LITAF: variants seen among roughly 807,000 people sequenced by gnomAD.
LITAF encodes the protein lipopolysaccharide-induced tumor necrosis factor-alpha factor.
In LITAF, 9 loss-of-function variants were observed where a neutral mutation model predicts 14.5. The observed-to-expected ratio is 0.62, with a 90% CI of 0.37 to 1.08. The LOEUF is 1.08. LITAF is among the 50% of genes least tolerant of loss of function. The pLI, the probability that LITAF is intolerant of heterozygous loss-of-function variation, is 0.01. For missense variants in LITAF, 206 were observed against 213.4 expected (o/e 0.97, Z 0.22); for synonymous variants, 98 against 88.2 (o/e 1.11, Z -0.62).
intron 1 of LITAF, chr16:11,561,219 T>C (rs148064367): frequency 6.6e-6 from 1 of 152,242 alleles, no homozygotes; most frequent in Non-Finnish European, 1.5e-5. Context: ...TGGAATGCTT[T>C]GAGGGAAAAC....
At chr16:11,638,032 CTATATATATCTATATATATATCTA>C (rs1368034314), upstream of LITAF, among the ~76,000 whole-genome samples, 4 of 83,420 alleles carry the variant, frequency 4.8e-5, no homozygotes, top group Non-Finnish European at 8.1e-5. Context: ...ATCTATATAT[CTATATATATCTATATATATATCTA>C]TATATATATC....
chr16:11,551,160 C>CAG (rs2064176396), intron 3 of LITAF, among the ~76,000 whole-genome samples: 1 of 152,176 alleles, frequency 6.6e-6, no homozygotes, highest in Non-Finnish European at 1.5e-5. Flanking sequence ...TTACATAAAG[C>CAG]AGAATTTGGA....
At chr16:11,606,657 C>G (rs533186065) in intron 3 of LITAF, among the ~76,000 whole-genome samples, 1 of 151,124 alleles carries the variant, frequency 6.6e-6, no homozygotes, top group African/African-American at 2.4e-5. Flanking sequence ...ATGCCTGCAG[C>G]CACAAAACTA....
intron 3 of LITAF, among the ~76,000 whole-genome samples, chr16:11,631,808 T>C (rs1382307106): frequency 6.6e-6 from 1 of 152,092 alleles, no homozygotes; most frequent in Admixed American, 6.5e-5. Flanking sequence ...ATCTCGAGAT[T>C]CTTAACTTGA....
chr16:11,549,971 G>A lies in LITAF; in HGVS notation c.378-226C>T, dbSNP rs186689704. ...AGATACAGAGAGGGCAGAAGGAAAT[G>A]TGAAGACAGAGGCAGAAGCTGGAGT... is the stretch of plus-strand genomic sequence containing the variant. On this transcript the variant is annotated intron_variant, in intron 3 of 3. Transcript: ENST00000622633. The surrounding 1 kb of genome is among the most constrained non-coding windows in gnomAD (Gnocchi z 4.6). Among the ~76,000 whole-genome samples, 1 of 152,326 alleles carries A rather than the reference G, an allele frequency of 6.6e-6. No individual in the cohort carries two copies. Among genetic ancestry groups the A allele is most frequent in the East Asian group, 1.9e-4 (1 of 5,182 alleles).
chr16:11,596,514 AAAG>A (rs2064888269), intron 1 of LITAF, among the ~76,000 whole-genome samples: 1 of 57,350 alleles, frequency 1.7e-5, no homozygotes, highest in Non-Finnish European at 3.3e-5. Context: ...GGGGAGGAGG[AAAG>A]GAGAAGAAGG....
chr16:11,639,255 G>A (rs919375131), upstream of LITAF, among the ~76,000 whole-genome samples: 2 of 151,814 alleles, frequency 1.3e-5, no homozygotes, highest in Non-Finnish European at 2.9e-5. Flanking sequence ...ATGGTTAGAG[G>A]GAGGAATGGA....
intron 1 of LITAF, among the ~76,000 whole-genome samples, chr16:11,570,595 A>G (rs1318421600): frequency 2.0e-5 from 3 of 152,208 alleles, no homozygotes; most frequent in Admixed American, 2.0e-4. Flanking sequence ...TTAAGTGGTA[A>G]AGACAGACTT....
intron 1 of LITAF, among the ~76,000 whole-genome samples, chr16:11,571,439 G>A (rs999723818): frequency 1.2e-4 from 18 of 152,242 alleles, no homozygotes; most frequent in African/African-American, 3.6e-4. Flanking sequence ...CTACATTCAC[G>A]TTACCTAAGC....
At chr16:11,640,019 C>T (rs1318668510), upstream of LITAF, among the ~76,000 whole-genome samples, 1 of 152,196 alleles carries the variant, frequency 6.6e-6, no homozygotes, top group Non-Finnish European at 1.5e-5. Flanking sequence ...AGCAATCCAC[C>T]TGCCTTAGCC....
At chr16:11,557,070 T>TG (rs1555467012) in intron 1 of LITAF, among the ~76,000 whole-genome samples, 41 of 24,764 alleles carry the variant, frequency 1.7e-3, no homozygotes, top group East Asian at 6.2e-3. Context: ...CGTTGTTTTT[T>TG]TTTGTTTGTT....
Position 11,586,899 on chromosome 16 carries a change from G to T in LITAF, c.-19C>A, listed in dbSNP as rs2064814229. On this transcript the variant is annotated 5_prime_UTR_variant, in exon 1 of 4. Coordinates refer to ENST00000622633, the MANE Select transcript of LITAF (RefSeq NM_001136472.2). This position sits in a 1 kb window ranked among gnomAD's most constrained non-coding sequence, Gnocchi z 6.5. ...CGCCGCACTCACCGCCGCCCGCGCC[G>T]CCTGTCGAGCCGGGAGGTCTGAGCT... 1 of 151,996 alleles carries T rather than the reference G, an allele frequency of 6.6e-6. No homozygotes were observed. Among genetic ancestry groups the T allele is most frequent in the South Asian group, 1.9e-4 (1 of 5,364 alleles). 9.4% of individuals were successfully genotyped at this position (151,996 alleles called of 1,614,324 possible).
intron 1 of LITAF, among the ~76,000 whole-genome samples, chr16:11,559,967 G>A (rs573240247): frequency 9.3e-5 from 14 of 151,196 alleles, no homozygotes; most frequent in African/African-American, 3.4e-4. Context: ...CAGCCTGGGC[G>A]AGACTGTCTC....
At chr16:11,571,301 A>T (rs2064537909) in intron 1 of LITAF, among the ~76,000 whole-genome samples, 1 of 152,168 alleles carries the variant, frequency 6.6e-6, no homozygotes, top group African/African-American at 2.4e-5. Context: ...TCTTAACCTC[A>T]GGTGATTCGC....
intron 1 of LITAF, among the ~76,000 whole-genome samples, chr16:11,562,174 G>A (rs1481180966): frequency 6.6e-6 from 1 of 151,828 alleles, no homozygotes; most frequent in East Asian, 1.9e-4. Context: ...TCCTGCCTCA[G>A]CCTCTCAAAG....
chr16:11,563,870 C>A (rs1048311884), intron 1 of LITAF, among the ~76,000 whole-genome samples: 2 of 151,912 alleles, frequency 1.3e-5, no homozygotes, highest in African/African-American at 2.4e-5. Context: ...GGGTGGGGGG[C>A]GTGCTTGTCA....
intron 1 of LITAF, among the ~76,000 whole-genome samples, chr16:11,592,971 C>A (rs2064856861): frequency 6.6e-6 from 1 of 152,040 alleles, no homozygotes; most frequent in Non-Finnish European, 1.5e-5. Flanking sequence ...GAGATCGAGA[C>A]CATCCTGGCT....
rs988275712 is a variant in LITAF at position 11,632,813 on chromosome 16, C to G, written c.85+720G>C. On this transcript the variant is annotated intron_variant, in intron 3 of 3. Transcript: ENST00000574848. The surrounding 1 kb of genome is among the most constrained non-coding windows in gnomAD (Gnocchi z 4.8). The stretch of plus-strand genomic sequence containing the variant: ...GCACGGGTCAGAGTTTTCCGTGTGC[C>G]GCCTCCTCGTCCTTCTTCTTCTGCC... 6.6e-6 allele frequency among the ~76,000 whole-genome samples: 1 copy of G among 151,762 alleles called. No individual in the cohort carries two copies. Among genetic ancestry groups the G allele is most frequent in the Non-Finnish European group, 1.5e-5 (1 of 68,026 alleles).
At chr16:11,560,104 C>T (rs2064337052) in intron 1 of LITAF, among the ~76,000 whole-genome samples, 1 of 152,064 alleles carries the variant, frequency 6.6e-6, no homozygotes, top group Non-Finnish European at 1.5e-5. Flanking sequence ...TGAGACCAGC[C>T]TGGCCAACAT....
Sources: gnomAD v4.1 joint callset for allele counts (sites outside exome capture counted in the v4.1 genomes callset) on GRCh38, gnomAD v4.1.1 for gene constraint, Gnocchi (gnomAD v3.1) non-coding constraint, MANE v1.5 for transcripts, NCBI Gene and HGNC (gene_info 2026-07-23, HGNC 2026-07-21) for gene names.